Variants in STOX2 observed in about 807,000 individuals in gnomAD.
STOX2 encodes storkhead-box protein 2.
In STOX2, 28 loss-of-function variants were observed where a neutral mutation model predicts 60.9. The ratio of observed to expected loss-of-function variants is 0.46; its 90% CI spans 0.34 to 0.63. The LOEUF (loss-of-function observed/expected upper bound fraction) is 0.63, where lower values mean the gene tolerates loss of function less well. Among genes scored for constraint, STOX2 ranks in the 30% least tolerant of loss-of-function variants. The pLI is 0.01. For synonymous variants in STOX2, 472 were observed against 463.9 expected (o/e 1.02, Z -0.22); for missense variants, 1,024 against 1,187.7 (o/e 0.86, Z 2.03).
rs573000883 is a variant in STOX2 at position 183,833,878 on chromosome 4, A to G, written c.364+35823A>G. Among the ~76,000 whole-genome samples, 4 of 148,370 alleles carry G rather than the reference A, an allele frequency of 2.7e-5. No individual in the cohort carries two copies. The South Asian group carries it at 8.6e-4, about 32-fold the overall frequency. ...GCGCCTGTAGTCCCAGCTACTTGGG[A>G]GGCTGAGGCAGGAGAATGGCGTGAA... On this transcript the variant is annotated intron_variant, in intron 1 of 2. Transcript: ENST00000513034.
intron 1 of STOX2, among the ~76,000 whole-genome samples, chr4:183,898,627 C>T (rs749999073): frequency 2.0e-5 from 3 of 151,982 alleles, no homozygotes; most frequent in Non-Finnish European, 4.4e-5. Flanking sequence ...CCAAGAAGGG[C>T]GATTGGGTGG....
intron 1 of STOX2, among the ~76,000 whole-genome samples, chr4:183,917,085 C>T (rs1168371741): frequency 6.6e-6 from 1 of 152,260 alleles, no homozygotes; most frequent in Admixed American, 6.5e-5. Flanking sequence ...CTCCCAGTGT[C>T]TAGCGAGTGC....
intron 1 of STOX2, among the ~76,000 whole-genome samples, chr4:183,807,012 G>A (rs1042921067): frequency 1.7e-4 from 25 of 151,458 alleles, no homozygotes; most frequent in Admixed American, 4.6e-4. Flanking sequence ...TTGCTCTGTC[G>A]CCCAGGCTGG....
chr4:184,007,194 C>T (rs56993252), intron 2 of STOX2, among the ~76,000 whole-genome samples: 3,254 of 152,156 alleles, frequency 0.021, 107 homozygotes, highest in African/African-American at 0.074. Flanking sequence ...CTACCTTTTC[C>T]GCCTTGGTCA....
chr4:183,834,417 TTTG>T (rs1331256620), intron 1 of STOX2, among the ~76,000 whole-genome samples: 2 of 152,000 alleles, frequency 1.3e-5, no homozygotes, highest in Non-Finnish European at 2.9e-5. Context: ...CCTGGCAATC[TTTG>T]TTGTGAGAGG....
chr4:183,873,317 A>G (rs1276168276), intron 1 of STOX2, among the ~76,000 whole-genome samples: 2 of 152,148 alleles, frequency 1.3e-5, no homozygotes, highest in Non-Finnish European at 2.9e-5. Context: ...GTGTTGGCAC[A>G]TGCCTGTAAT....
chr4:183,930,311 G>A (rs901528313), intron 1 of STOX2, among the ~76,000 whole-genome samples: 4 of 151,682 alleles, frequency 2.6e-5, no homozygotes, highest in Non-Finnish European at 5.9e-5. Context: ...GACTACAGAC[G>A]TGCGCCACCA....
At chr4:183,990,851 C>G (rs1452024291) in intron 1 of STOX2, among the ~76,000 whole-genome samples, 2 of 151,940 alleles carry the variant, frequency 1.3e-5, no homozygotes, top group African/African-American at 4.8e-5. Flanking sequence ...TTATATTGGA[C>G]AAGCCATCCT....
Position 183,911,151 on chromosome 4 carries a change from T to G in STOX2, c.166+4195T>G, listed in dbSNP as rs529763045. ...GACTTCTGAACACTTACACATAAAT[T>G]GTTAGACAAAACTTCTCTGCCCTCT... On this transcript the variant is annotated intron_variant, in intron 1 of 3. Transcript: ENST00000308497. 9.2e-5 allele frequency among the ~76,000 whole-genome samples: 3 copies of G among 32,740 alleles called. No individual in the cohort carries two copies. The South Asian group carries it at 7.8e-3, about 85-fold the overall frequency. The allele number at this position is 32,740 out of a possible 152,430, so 21.5% of individuals were successfully genotyped here. A position where few individuals can be genotyped will look rare whatever the true frequency, so the allele number is the denominator to read the frequency against.
intron 1 of STOX2, among the ~76,000 whole-genome samples, chr4:183,908,498 C>T (rs1741680848): frequency 6.6e-6 from 1 of 152,006 alleles, no homozygotes; most frequent in Non-Finnish European, 1.5e-5. Flanking sequence ...GTCCTGACAC[C>T]AACTGTGAAG....
chr4:183,835,436 G>A (rs1387613959), intron 1 of STOX2, among the ~76,000 whole-genome samples: 3 of 152,008 alleles, frequency 2.0e-5, no homozygotes, highest in African/African-American at 2.4e-5. Context: ...ATGTTAGCCA[G>A]GATGGTCTTG....
rs142542616 is a variant in STOX2 at position 183,992,296 on chromosome 4, AC to A, written c.167-9028del. On this transcript the variant is annotated intron_variant, in intron 1 of 3. Transcript: ENST00000308497. Reference sequence around the variant, plus strand: ...GTATTTTACAGAAATCAGTCCCACTACAGTTGTCATCCCTAAACTGATGAAG... The same window carrying A: ...GTATTTTACAGAAATCAGTCCCACTAAGTTGTCATCCCTAAACTGATGAAG... 4.9e-3 allele frequency among the ~76,000 whole-genome samples: 750 copies of A among 151,878 alleles called. 12 individuals are homozygous for A. Among genetic ancestry groups the A allele is most frequent in the African/African-American group, 0.017 (711 of 41,158 alleles).
rs191209158 is a variant in STOX2, at chr4:183,802,027, A to G, written c.364+3972A>G. Among the ~76,000 whole-genome samples, 115 of 152,316 alleles carry G rather than the reference A, an allele frequency of 7.6e-4. No homozygotes were observed. The East Asian group carries it at 0.018, about 23-fold the overall frequency. ...CGGTTAGTACCCGAAGAAAGACACC[A>G]TTAGTCTGGTTGAGGCTGGAGGGCC... On this transcript the variant is annotated intron_variant, in intron 1 of 2. Transcript: ENST00000513034.
chr4:183,876,234 C>T (rs940330241), intron 1 of STOX2, among the ~76,000 whole-genome samples: 6 of 152,212 alleles, frequency 3.9e-5, no homozygotes, highest in African/African-American at 1.2e-4. Flanking sequence ...GGGCGACTCC[C>T]AGGCGGTCTG....
Position 184,011,069 on chromosome 4 carries a change from C to T in STOX2, c.2231C>T (p.Pro744Leu), listed in dbSNP as rs538733465. ...CCAGGCCGATGTGAGAAACTGGAACCGTCCCTGGGGACCTCGGCGGCACAA... is the reference window on the plus strand; with the variant it reads ...CCAGGCCGATGTGAGAAACTGGAACTGTCCCTGGGGACCTCGGCGGCACAA... ...TLPGRCEKLE[P>L]SLGTSAAQAM... Residue 744 changes from proline (P) to leucine (L), a missense_variant, in exon 3 of 4, where the codon CCG becomes CTG. This residue lies in a region of STOX2 where 922 missense variants were observed against 1,058.3 expected (regional missense o/e 0.87). Transcript: ENST00000308497. This position sits in a 1 kb window ranked among gnomAD's most constrained non-coding sequence, Gnocchi z 4.4. 2.9e-5 allele frequency: 46 copies of T among 1,609,058 alleles called. No individual in the cohort carries two copies. The Admixed American group carries it at 3.4e-4, about 12-fold the overall frequency.
At chr4:183,849,140 G>T (rs565046990) in intron 1 of STOX2, among the ~76,000 whole-genome samples, 1 of 152,186 alleles carries the variant, frequency 6.6e-6, no homozygotes, top group Admixed American at 6.5e-5. Flanking sequence ...AGAGTCCCAG[G>T]CCCAGGAGCA....
chr4:183,929,008 G>A (rs759228294), intron 1 of STOX2, among the ~76,000 whole-genome samples: 17 of 152,290 alleles, frequency 1.1e-4, no homozygotes, highest in East Asian at 5.8e-4. Flanking sequence ...CCCCGAAAGC[G>A]TAACTCCTGT....
upstream of STOX2, among the ~76,000 whole-genome samples, chr4:183,901,570 A>G (rs1038161061): frequency 7.4e-5 from 11 of 149,610 alleles, no homozygotes; most frequent in Admixed American, 1.3e-4. Context: ...ATAATTGCCA[A>G]TGTTTGTTAT....
chr4:183,925,491 G>A lies in STOX2; in HGVS notation c.166+18535G>A, dbSNP rs918439854. On this transcript the variant is annotated intron_variant, in intron 1 of 3. Coordinates refer to ENST00000308497, the MANE Select transcript of STOX2 (RefSeq NM_020225.3). ...ATCCCCCTTCCCCGGCCCCTCCCCCGGCACACTTGCAAAGTTGCTTGAAGA... is the reference window on the plus strand; with the variant it reads ...ATCCCCCTTCCCCGGCCCCTCCCCCAGCACACTTGCAAAGTTGCTTGAAGA... Among the ~76,000 whole-genome samples the A allele has an allele frequency of 8.6e-5, 13 of 151,958 alleles. 1 individual carries two copies. Among genetic ancestry groups the A allele is most frequent in the African/African-American group, 2.7e-4 (11 of 41,456 alleles).
Sources: allele counts gnomAD v4.1 joint callset (sites outside exome capture counted in the v4.1 genomes callset), GRCh38; gene constraint gnomAD v4.1.1; regional missense constraint gnomAD v4.1.1; non-coding constraint Gnocchi (gnomAD v3.1); transcripts MANE v1.5; gene names NCBI Gene and HGNC (gene_info 2026-07-23, HGNC 2026-07-21).